INPP4B: variants seen among roughly 807,000 people sequenced by gnomAD.
The protein encoded by INPP4B is inositol polyphosphate-4-phosphatase type II B, also known as inositol polyphosphate 4-phosphatase type II.
Under a neutral mutation model 122.5 loss-of-function variants are expected in INPP4B, and 55 were observed. The ratio of observed to expected loss-of-function variants is 0.45; its 90% confidence interval spans 0.36 to 0.56. INPP4B has a LOEUF of 0.56. Among genes scored for constraint, INPP4B ranks in the 20% least tolerant of loss-of-function variants. INPP4B has a pLI of 0.00. For synonymous variants in INPP4B, 403 were observed against 388.7 expected (o/e 1.04, Z -0.43); for missense variants, 1,000 against 1,097.7 (o/e 0.91, Z 1.26).
chr4:142,294,496 T>C (rs1181372593), intron 9 of INPP4B, among the ~76,000 whole-genome samples: 3 of 151,936 alleles, frequency 2.0e-5, no homozygotes, highest in African/African-American at 7.3e-5. Flanking sequence ...GGATAAGATA[T>C]CTTCCTTGGA....
At chr4:142,428,228 A>G (rs976441549) in intron 5 of INPP4B, among the ~76,000 whole-genome samples, 1 of 151,158 alleles carries the variant, frequency 6.6e-6, no homozygotes, top group African/African-American at 2.4e-5. Context: ...CAACCACTAA[A>G]ACCCAGTATA....
At position 142,199,223 on chromosome 4, in the gene INPP4B, T is replaced by C. The variant is rs1176558385; in HGVS notation, c.1073-6028A>G. Among the ~76,000 whole-genome samples, 3 of 152,020 alleles carry C rather than the reference T, an allele frequency of 2.0e-5. No individual in the cohort carries two copies. The East Asian group carries it at 5.8e-4, about 29-fold the overall frequency. On this transcript the variant is annotated intron_variant, in intron 14 of 25. Transcript: ENST00000262992. ...ATAAAAAAATAAATATATAAATATT[T>C]AGATGCTCAATTCGGTTTGTCTTGT...
chr4:142,208,505 C>T lies in INPP4B; in HGVS notation c.992G>A (p.Ser331Asn), dbSNP rs1402313451. 4 of 1,598,478 alleles carry T rather than the reference C, an allele frequency of 2.5e-6. No homozygotes were observed. Among genetic ancestry groups the T allele is most frequent in the Non-Finnish European group, 2.6e-6 (3 of 1,171,606 alleles). ...ETGSSFKSSS[S>N]KGEKTLEFVP... ...AAATTCTAATGTTTTCTCTCCTTTG[C>T]TGCTGCTTGATTTGAAAGAGGACCC... Residue 331 changes from serine to asparagine, a missense_variant, in exon 14 of 26, where the codon AGC becomes AAC. Ser to Asn is a conservative substitution (Grantham distance 46). Transcript: ENST00000262992.
chr4:142,130,530 A>C (rs934485597), intron 18 of INPP4B, among the ~76,000 whole-genome samples: 6 of 152,164 alleles, frequency 3.9e-5, no homozygotes, highest in African/African-American at 1.4e-4. Flanking sequence ...GCTAAGAAGC[A>C]AGGCCACATC....
intron 7 of INPP4B, among the ~76,000 whole-genome samples, chr4:142,374,778 C>T (rs913714415): frequency 2.0e-5 from 3 of 151,740 alleles, no homozygotes; most frequent in African/African-American, 7.3e-5. Flanking sequence ...ATTATCAATT[C>T]CGTTTTTTAT....
chr4:142,272,759 T>C (rs1746489290), intron 9 of INPP4B, among the ~76,000 whole-genome samples: 1 of 152,010 alleles, frequency 6.6e-6, no homozygotes, highest in Non-Finnish European at 1.5e-5. Flanking sequence ...ATAAAGCATA[T>C]AATAAGGACC....
chr4:142,832,031 A>G (rs1782204966), intron 1 of INPP4B, among the ~76,000 whole-genome samples: 1 of 152,232 alleles, frequency 6.6e-6, no homozygotes, highest in African/African-American at 2.4e-5. Flanking sequence ...CTTCTAAGAC[A>G]GCAGGAGGGA....
intron 25 of INPP4B, among the ~76,000 whole-genome samples, chr4:142,042,666 G>A (rs558017043): frequency 3.3e-5 from 5 of 152,158 alleles, no homozygotes; most frequent in East Asian, 3.9e-4. Flanking sequence ...GGGTTCAAGC[G>A]ATTCTCCTGC....
At chr4:142,261,755 GGAA>G (rs571788453) in intron 10 of INPP4B, among the ~76,000 whole-genome samples, 10 of 152,112 alleles carry the variant, frequency 6.6e-5, no homozygotes, top group Non-Finnish European at 1.2e-4. Flanking sequence ...AACATTTTGA[GGAA>G]GAAGACAAAG....
At chr4:142,391,369 C>A (rs1797607395) in intron 7 of INPP4B, among the ~76,000 whole-genome samples, 1 of 152,110 alleles carries the variant, frequency 6.6e-6, no homozygotes, top group Non-Finnish European at 1.5e-5. Flanking sequence ...ACCAGCTTGG[C>A]CAACATGGCA....
chr4:142,603,332 C>T (rs1740485959), intron 2 of INPP4B, among the ~76,000 whole-genome samples: 1 of 151,754 alleles, frequency 6.6e-6, no homozygotes, highest in Non-Finnish European at 1.5e-5. Context: ...CCATGGCACA[C>T]ATTTACCTAT....
At chr4:142,808,171 C>T (rs936863971) in intron 1 of INPP4B, among the ~76,000 whole-genome samples, 1 of 152,048 alleles carries the variant, frequency 6.6e-6, no homozygotes, top group Non-Finnish European at 1.5e-5. Flanking sequence ...CAACTAGATT[C>T]TTTCTTGAGG....
rs199504338 is a variant in INPP4B at position 142,388,385 on chromosome 4, T to G, written c.372+14553A>C. Among the ~76,000 whole-genome samples the G allele has an allele frequency of 9.4e-4, 89 of 94,810 alleles. 1 individual carries two copies. Among genetic ancestry groups the G allele is most frequent in the Non-Finnish European group, 8.7e-4 (43 of 49,622 alleles). The allele number at this position is 94,810 out of a possible 152,430, so 62.2% of individuals were successfully genotyped here. A position where few individuals can be genotyped will look rare whatever the true frequency, so the allele number is the denominator to read the frequency against. ...AGATCTTATTTTTCTGGAAAAAGGG[T>G]TTTTTTTTTTCCTTCTCAGTTGACT... On this transcript the variant is annotated intron_variant, in intron 7 of 25. Transcript: ENST00000262992.
At chr4:142,726,988 T>C (rs1765421371) in intron 1 of INPP4B, among the ~76,000 whole-genome samples, 2 of 152,136 alleles carry the variant, frequency 1.3e-5, no homozygotes, top group African/African-American at 4.8e-5. Flanking sequence ...TCACTGTTCT[T>C]TAAAGAACAA....
chr4:142,391,110 A>G (rs1329438633), intron 7 of INPP4B, among the ~76,000 whole-genome samples: 1 of 152,254 alleles, frequency 6.6e-6, no homozygotes, highest in Non-Finnish European at 1.5e-5. Flanking sequence ...CCAGATTTTC[A>G]TACTTAATCA....
At chr4:142,170,924 C>T (rs187214848) in intron 16 of INPP4B, among the ~76,000 whole-genome samples, 52 of 151,842 alleles carry the variant, frequency 3.4e-4, no homozygotes, top group South Asian at 8.3e-4. Flanking sequence ...GGTTGGGGAG[C>T]TCTATCCATG....
At chr4:142,468,807 T>C (rs1447758814) in intron 2 of INPP4B, among the ~76,000 whole-genome samples, 1 of 152,138 alleles carries the variant, frequency 6.6e-6, no homozygotes, top group Non-Finnish European at 1.5e-5. Flanking sequence ...ATAAACCTCT[T>C]TTCTTTATAA....
At chr4:142,246,354 G>A (rs1437345537) in intron 11 of INPP4B, among the ~76,000 whole-genome samples, 3 of 152,004 alleles carry the variant, frequency 2.0e-5, no homozygotes, top group Admixed American at 2.0e-4. Flanking sequence ...TAACTTGATG[G>A]GGATAGCATT....
At chr4:142,671,884 C>T (rs1757053570) in intron 2 of INPP4B, among the ~76,000 whole-genome samples, 1 of 152,142 alleles carries the variant, frequency 6.6e-6, no homozygotes, top group East Asian at 1.9e-4. Flanking sequence ...ATTCCATCAC[C>T]CCAAAATATT....
Sources: allele counts gnomAD v4.1 joint callset (sites outside exome capture counted in the v4.1 genomes callset), GRCh38; gene constraint gnomAD v4.1.1; transcripts MANE v1.5; gene names NCBI Gene and HGNC (gene_info 2026-07-23, HGNC 2026-07-21).